Variants in GSTCD observed in about 807,000 individuals in gnomAD.
GSTCD encodes glutathione S-transferase C-terminal domain-containing protein.
GSTCD carries 44 observed loss-of-function variants against 68.3 expected under a neutral mutation model. The ratio of observed to expected loss-of-function variants is 0.64; its 90% CI spans 0.51 to 0.83. GSTCD has a LOEUF of 0.83. Ranked by LOEUF, GSTCD falls within the 40% of genes least tolerant of loss-of-function variation. The pLI, the probability that GSTCD is intolerant of heterozygous loss-of-function variation, is 0.00. For synonymous variants in GSTCD, 273 were observed against 255.2 expected, an observed-to-expected ratio of 1.07 and a Z score of -0.67; for missense variants, 739 against 735.9, an observed-to-expected ratio of 1.00 and a Z score of -0.05.
chr4:105,737,963 TG>T (rs1488483607), intron 5 of GSTCD, among the ~76,000 whole-genome samples: 1 of 152,114 alleles, frequency 6.6e-6, no homozygotes, highest in African/African-American at 2.4e-5. Flanking sequence ...GAGAACCAGT[TG>T]TTGAAAAAAG....
At chr4:105,763,906 G>A (rs1452817506) in intron 5 of GSTCD, among the ~76,000 whole-genome samples, 1 of 151,744 alleles carries the variant, frequency 6.6e-6, no homozygotes, top group East Asian at 1.9e-4. Context: ...CAATTTGAAG[G>A]GTCACTTCTA....
chr4:105,818,093 A>T (rs933873699), intron 5 of GSTCD, among the ~76,000 whole-genome samples: 2 of 151,886 alleles, frequency 1.3e-5, no homozygotes, highest in Non-Finnish European at 2.9e-5. Context: ...AAATATTCAT[A>T]TCTATTTCAG....
In GSTCD at chr4:105,814,473, C is replaced by T. The variant is rs141366143; in HGVS notation, c.1241-8481C>T. On this transcript the variant is annotated intron_variant, in intron 5 of 11. Coordinates refer to ENST00000515279, the MANE Select transcript of GSTCD (RefSeq NM_001370181.1). Reference sequence around the variant, plus strand: ...ACTAAAAATACAAAAATAACCTGGGCGTGATGGTGTGCACCTGTAATCCCA... The same window carrying T: ...ACTAAAAATACAAAAATAACCTGGGTGTGATGGTGTGCACCTGTAATCCCA... Among the ~76,000 whole-genome samples, 623 of 152,026 alleles carry T rather than the reference C, an allele frequency of 4.1e-3. 4 individuals carry two copies. Among genetic ancestry groups the T allele is most frequent in the African/African-American group, 0.014 (573 of 41,446 alleles).
chr4:105,754,060 T>G (rs186941254), intron 5 of GSTCD, among the ~76,000 whole-genome samples: 1 of 152,194 alleles, frequency 6.6e-6, no homozygotes, highest in Non-Finnish European at 1.5e-5. Flanking sequence ...ATTAGTACTA[T>G]TCATTACGAT....
intron 9 of GSTCD, among the ~76,000 whole-genome samples, chr4:105,835,770 A>C (rs1289875548): frequency 1.3e-5 from 2 of 152,154 alleles, no homozygotes; most frequent in African/African-American, 4.8e-5. Flanking sequence ...TCCCAAATCG[A>C]GGAAGAATGA....
chr4:105,755,360 A>T (rs1454395756), intron 5 of GSTCD, among the ~76,000 whole-genome samples: 3 of 151,838 alleles, frequency 2.0e-5, no homozygotes, highest in Non-Finnish European at 4.4e-5. Flanking sequence ...GAAGGGAGGG[A>T]GCTCTAGGTG....
At chr4:105,716,464 G>T (rs1732684430) in intron 1 of GSTCD, among the ~76,000 whole-genome samples, 1 of 152,200 alleles carries the variant, frequency 6.6e-6, no homozygotes, top group African/African-American at 2.4e-5. Context: ...TCTGTGGCCT[G>T]TTAGGAACCC....
intron 5 of GSTCD, among the ~76,000 whole-genome samples, chr4:105,750,673 A>G (rs1733983459): frequency 6.6e-6 from 1 of 152,172 alleles, no homozygotes; most frequent in Non-Finnish European, 1.5e-5. Context: ...AACAACTTAT[A>G]TTAACATGAA....
intron 5 of GSTCD, among the ~76,000 whole-genome samples, chr4:105,753,966 T>G (rs760087745): frequency 6.8e-5 from 10 of 147,024 alleles, no homozygotes; most frequent in Non-Finnish European, 1.4e-4. Flanking sequence ...CTTTCAAGAT[T>G]TTTTTTTTTT....
At chr4:105,729,534 C>T in intron 5 of GSTCD, 35 bp downstream of exon 5, 3 of 1,359,822 alleles carry the variant, frequency 2.2e-6, no homozygotes, top group Non-Finnish European at 3.1e-6. Context: ...TTTATTCATA[C>T]TTTGGATACT....
chr4:105,738,170 T>C (rs970150241), intron 5 of GSTCD, among the ~76,000 whole-genome samples: 2 of 152,194 alleles, frequency 1.3e-5, no homozygotes, highest in Non-Finnish European at 2.9e-5. Context: ...GCCCCAGATA[T>C]TCCTTTATAG....
chr4:105,734,786 C>G (rs555805168), intron 5 of GSTCD, among the ~76,000 whole-genome samples: 25 of 152,254 alleles, frequency 1.6e-4, no homozygotes, highest in African/African-American at 6.0e-4. Context: ...CTTTTCTGCT[C>G]TGTTTTTTCC....
In GSTCD at chr4:105,823,014, T is replaced by A; in HGVS notation, c.1301T>A (p.Val434Glu). ...KQQQLNNLVY[V>E]VTNQAKPGDR... ...CAACAGTTGAACAACCTTGTCTATG[T>A]GGTAACAAATCAGGCCAAACCTGGT... Residue 434 changes from valine to glutamate, a missense_variant, in exon 6 of 12, where the codon GTG becomes GAG. Transcript: ENST00000515279. The A allele has an allele frequency of 6.2e-7, 1 of 1,613,902 alleles. No individual in the cohort carries two copies. The highest frequency in any genetic ancestry group is 8.5e-7 in the Non-Finnish European group (1 of 1,179,800).
intron 2 of GSTCD, 138 bp from the exon 3 acceptor site, chr4:105,718,922 G>A (rs1433094246): frequency 3.1e-6 from 2 of 654,204 alleles, no homozygotes; most frequent in Non-Finnish European, 5.3e-6. Context: ...ACTGTGATGT[G>A]TCTCCTGATA....
intron 5 of GSTCD, among the ~76,000 whole-genome samples, chr4:105,781,157 G>A (rs1735258339): frequency 6.6e-6 from 1 of 152,074 alleles, no homozygotes. Context: ...TTTTGTTGAG[G>A]CATAAACAGT....
chr4:105,811,257 T>G (rs887916048), intron 5 of GSTCD, among the ~76,000 whole-genome samples: 1 of 152,094 alleles, frequency 6.6e-6, no homozygotes, highest in Non-Finnish European at 1.5e-5. Flanking sequence ...AAATATCTTT[T>G]TATATCTCTT....
In GSTCD at chr4:105,846,991, A is replaced by G. The variant is rs1425686293; in HGVS notation, c.*1414A>G. The G allele has an allele frequency of 6.6e-6, 1 of 152,156 alleles. No individual in the cohort carries two copies. The highest frequency in any genetic ancestry group is 1.5e-5 in the Non-Finnish European group (1 of 68,030). 9.4% of individuals were successfully genotyped at this position (152,156 alleles called of 1,614,324 possible). ...TTATGGAATACTACAATGTGTTGTC[A>G]CAGGATTTGTTATTCAGATGTCAAT... On this transcript the variant is annotated 3_prime_UTR_variant, in exon 12 of 12. Transcript: ENST00000515279.
chr4:105,833,931 GA>G (rs1441812414), intron 8 of GSTCD, among the ~76,000 whole-genome samples: 1 of 149,054 alleles, frequency 6.7e-6, no homozygotes, highest in Non-Finnish European at 1.5e-5. Flanking sequence ...GTTATTATGT[GA>G]AAACATCTTA....
At chr4:105,819,792 GA>G in intron 5 of GSTCD, among the ~76,000 whole-genome samples, 1 of 151,336 alleles carries the variant, frequency 6.6e-6, no homozygotes, top group African/African-American at 2.4e-5. Context: ...GATCTCTGTT[GA>G]AAAAATTTGC....
Sources: gnomAD v4.1 joint callset for allele counts (sites outside exome capture counted in the v4.1 genomes callset) on GRCh38, gnomAD v4.1.1 for gene constraint, MANE v1.5 for transcripts, NCBI Gene and HGNC (gene_info 2026-07-23, HGNC 2026-07-21) for gene names.